The following FRMD4A variants were observed in gnomAD, a reference collection of about 807,000 sequenced individuals.
FRMD4A encodes FERM domain-containing protein 4A.
Under a neutral mutation model 129.1 loss-of-function variants are expected in FRMD4A, and 29 were observed. That is an observed-to-expected ratio of 0.22 (90% confidence interval 0.17 to 0.31). The LOEUF is 0.31. FRMD4A is among the 10% of genes least tolerant of loss of function. FRMD4A has a pLI of 1.00. For missense variants in FRMD4A, 1,272 were observed against 1,375.8 expected (o/e 0.92, Z 1.19); for synonymous variants, 634 against 571.6 (o/e 1.11, Z -1.56).
At chr10:13,979,516 C>A (rs1320048752) in intron 2 of FRMD4A, among the ~76,000 whole-genome samples, 1 of 152,184 alleles carries the variant, frequency 6.6e-6, no homozygotes. Flanking sequence ...AGCAGCAAGT[C>A]AGTGTCTCTT....
intron 2 of FRMD4A, among the ~76,000 whole-genome samples, chr10:14,089,623 AAAAAAACAAAAAAAAACAAAC>A (rs1836519316): frequency 3.7e-5 from 1 of 27,080 alleles, no homozygotes; most frequent in African/African-American, 1.3e-4. Flanking sequence ...TCAAGCAAAA[AAAAAAACAAAAAAAAACAAAC>A]AAAAAAAAAA....
intron 5 of FRMD4A, among the ~76,000 whole-genome samples, chr10:13,784,429 A>G (rs2092806202): frequency 6.6e-6 from 1 of 152,254 alleles, no homozygotes; most frequent in Non-Finnish European, 1.5e-5. Flanking sequence ...CCAACATCGT[A>G]TAAGGTGAAC....
chr10:14,301,474 T>A (rs901362355), intron 2 of FRMD4A, among the ~76,000 whole-genome samples: 1 of 152,224 alleles, frequency 6.6e-6, no homozygotes, highest in African/African-American at 2.4e-5. Context: ...GTGAGACAGA[T>A]GCCTCTATTT....
chr10:14,311,579 A>G (rs1231990358), intron 2 of FRMD4A, among the ~76,000 whole-genome samples: 1 of 37,754 alleles, frequency 2.6e-5, no homozygotes. Context: ...TCCCACCCAC[A>G]CTCATTTCTG....
At chr10:14,169,625 C>T (rs1018925990) in intron 2 of FRMD4A, among the ~76,000 whole-genome samples, 1 of 152,160 alleles carries the variant, frequency 6.6e-6, no homozygotes, top group African/African-American at 2.4e-5. Flanking sequence ...ATTTGGGGGT[C>T]ACTTTGTGTA....
At chr10:14,320,051 C>T (rs1164058284) in intron 2 of FRMD4A, among the ~76,000 whole-genome samples, 2 of 152,046 alleles carry the variant, frequency 1.3e-5, no homozygotes, top group Non-Finnish European at 2.9e-5. Context: ...AATTCATTCC[C>T]CTTCCTCTTT....
At chr10:13,884,144 T>TCACACACA (rs773933481) in intron 2 of FRMD4A, among the ~76,000 whole-genome samples, 1 of 105,098 alleles carries the variant, frequency 9.5e-6, no homozygotes, top group African/African-American at 4.1e-5. Context: ...TCACACACAC[T>TCACACACA]CTCACACACT....
intron 2 of FRMD4A, among the ~76,000 whole-genome samples, chr10:13,885,401 C>T (rs980135227): frequency 1.3e-5 from 2 of 152,182 alleles, no homozygotes; most frequent in African/African-American, 2.4e-5. Flanking sequence ...GGCAAGATGG[C>T]GCCATCCTCC....
intron 2 of FRMD4A, among the ~76,000 whole-genome samples, chr10:14,245,996 C>G (rs1256687442): frequency 2.0e-5 from 3 of 152,290 alleles, no homozygotes; most frequent in South Asian, 4.1e-4. Context: ...CAGAACCTCC[C>G]TCCGTCATCT....
chr10:14,083,854 C>T (rs1836082130), intron 2 of FRMD4A: 1 of 152,138 alleles, frequency 6.6e-6, no homozygotes, highest in Admixed American at 6.5e-5. Context: ...GGGTAGACAC[C>T]TTCTCCCCAC....
chr10:14,162,707 T>A (rs573965587), intron 2 of FRMD4A, among the ~76,000 whole-genome samples: 5 of 151,790 alleles, frequency 3.3e-5, no homozygotes, highest in South Asian at 2.1e-4. Context: ...CTTCCCTTTT[T>A]ATTTAACTGG....
intron 5 of FRMD4A, among the ~76,000 whole-genome samples, chr10:13,789,780 T>TGTGTGA: frequency 6.7e-6 from 1 of 149,574 alleles, no homozygotes; most frequent in South Asian, 2.1e-4. Flanking sequence ...TGTGTGTGTG[T>TGTGTGA]GTGTGTGTGT....
intron 8 of FRMD4A, among the ~76,000 whole-genome samples, chr10:13,748,417 C>G (rs1358491324): frequency 6.6e-6 from 1 of 152,080 alleles, no homozygotes; most frequent in Non-Finnish European, 1.5e-5. Flanking sequence ...AGATTTTTTT[C>G]AGATGTTTGA....
chr10:13,873,418 G>T (rs1305350415), intron 2 of FRMD4A, among the ~76,000 whole-genome samples: 1 of 152,228 alleles, frequency 6.6e-6, no homozygotes, highest in Admixed American at 6.5e-5. Flanking sequence ...ATGTGTGCTG[G>T]AGAACTCGCA....
intron 2 of FRMD4A, among the ~76,000 whole-genome samples, chr10:13,948,453 G>A (rs10906550): frequency 0.22 from 33,125 of 151,862 alleles, 4,349 homozygotes; most frequent in Non-Finnish European, 0.29. Flanking sequence ...AGCCACTAAA[G>A]GTACTGATAT....
intron 2 of FRMD4A, chr10:14,326,209 T>C (rs955799866): frequency 6.6e-6 from 1 of 152,168 alleles, no homozygotes; most frequent in Admixed American, 6.5e-5. Flanking sequence ...CACTTCAATA[T>C]GGAAAAGAAC....
chr10:14,246,210 T>C (rs1030217908), intron 2 of FRMD4A, among the ~76,000 whole-genome samples: 1 of 152,182 alleles, frequency 6.6e-6, no homozygotes, highest in African/African-American at 2.4e-5. Context: ...ATTAAAGAAT[T>C]AGGTCTTCAA....
chr10:14,182,384 A>T (rs1358271267), intron 2 of FRMD4A, among the ~76,000 whole-genome samples: 1 of 152,172 alleles, frequency 6.6e-6, no homozygotes, highest in Admixed American at 6.5e-5. Flanking sequence ...TACAAAAAAT[A>T]AAAAATAATA....
chr10:14,128,091 TCTTTCTTTCTTTC>T (rs1839022947), intron 2 of FRMD4A, among the ~76,000 whole-genome samples: 1 of 114,948 alleles, frequency 8.7e-6, no homozygotes, highest in African/African-American at 3.4e-5. Flanking sequence ...TTTCTTTCTT[TCTTTCTTTCTTTC>T]TTTTCTTTTC....
Sources: gnomAD v4.1 joint callset for allele counts (sites outside exome capture counted in the v4.1 genomes callset) on GRCh38, gnomAD v4.1.1 for gene constraint, MANE v1.5 for transcripts, NCBI Gene and HGNC (gene_info 2026-07-23, HGNC 2026-07-21) for gene names.